Variants in ABL2 observed in about 807,000 individuals in gnomAD.
The protein encoded by ABL2 is tyrosine-protein kinase ABL2.
Under a neutral mutation model 107.7 loss-of-function variants are expected in ABL2, and 49 were observed. The ratio of observed to expected loss-of-function variants is 0.45; its 90% CI spans 0.36 to 0.58. The LOEUF (loss-of-function observed/expected upper bound fraction) is 0.58. Ranked by LOEUF, ABL2 falls within the 20% of genes least tolerant of loss-of-function variation. The probability of loss-of-function intolerance (pLI) is 0.00; values close to 1 mark genes in which losing one functional copy is unlikely to be tolerated. For synonymous variants in ABL2, 549 were observed against 548.6 expected (o/e 1.00, Z -0.01); for missense variants, 1,245 against 1,457.0 (o/e 0.85, Z 2.37).
intron 1 of ABL2, among the ~76,000 whole-genome samples, chr1:179,172,920 T>C (rs1307459764): frequency 6.6e-6 from 1 of 152,200 alleles, no homozygotes; most frequent in Non-Finnish European, 1.5e-5. Context: ...CCAGGCACAG[T>C]GGCTCACGCT....
chr1:179,140,315 T>C (rs757215792), intron 1 of ABL2, among the ~76,000 whole-genome samples: 2 of 152,234 alleles, frequency 1.3e-5, no homozygotes, highest in African/African-American at 2.4e-5. Context: ...CTCTTCCCCA[T>C]GACATTTCAC....
chr1:179,158,644 G>C (rs1398001872), intron 1 of ABL2, among the ~76,000 whole-genome samples: 1 of 152,138 alleles, frequency 6.6e-6, no homozygotes, highest in Admixed American at 6.5e-5. Context: ...GGTGAAGAAT[G>C]AATTTAAGAA....
At chr1:179,224,421 C>G (rs545536380) in intron 1 of ABL2, among the ~76,000 whole-genome samples, 1 of 151,732 alleles carries the variant, frequency 6.6e-6, no homozygotes, top group Non-Finnish European at 1.5e-5. Context: ...TGCCCGCCAC[C>G]ACACCTGGCT....
chr1:179,132,525 G>GATT (rs28914514), intron 2 of ABL2, among the ~76,000 whole-genome samples: 2 of 151,412 alleles, frequency 1.3e-5, no homozygotes, highest in South Asian at 2.1e-4. Context: ...TGATTATTAT[G>GATT]ATTATTATTA....
At chr1:179,151,942 T>G (rs141946215) in intron 1 of ABL2, among the ~76,000 whole-genome samples, 1 of 152,252 alleles carries the variant, frequency 6.6e-6, no homozygotes, top group Admixed American at 6.5e-5. Context: ...CCTGGTAGAG[T>G]AGGAGCCTTT....
At chr1:179,180,112 CCT>C (rs1660285842) in intron 1 of ABL2, among the ~76,000 whole-genome samples, 1 of 150,732 alleles carries the variant, frequency 6.6e-6, no homozygotes, top group Admixed American at 6.6e-5. Context: ...AGAGTGAGAC[CCT>C]GTCTTAAAAA....
chr1:179,107,418 G>A lies in ABL2; in HGVS notation c.*300C>T, dbSNP rs891141923. The A allele has an allele frequency of 1.3e-5, 5 of 372,432 alleles. No homozygotes were observed. The highest frequency in any genetic ancestry group is 2.0e-5 in the African/African-American group (1 of 49,350). 23.1% of individuals were successfully genotyped at this position (372,432 alleles called of 1,614,324 possible). A position where few individuals can be genotyped will look rare whatever the true frequency, so the allele number is the denominator to read the frequency against. ...TGCCTAGCACTTCCCAGCATTCCAG[G>A]TAGGGATGGGCTGCATTGCCTTCCT... On this transcript the variant is annotated 3_prime_UTR_variant, in exon 12 of 12. Transcript: ENST00000502732.
chr1:179,215,816 A>G (rs1662532605), intron 1 of ABL2, among the ~76,000 whole-genome samples: 1 of 152,132 alleles, frequency 6.6e-6, no homozygotes, highest in African/African-American at 2.4e-5. Flanking sequence ...TACAAATTGT[A>G]CTTGTTAGTA....
chr1:179,170,605 A>G (rs1278869429), intron 1 of ABL2, among the ~76,000 whole-genome samples: 1 of 150,956 alleles, frequency 6.6e-6, no homozygotes, highest in Non-Finnish European at 1.5e-5. Context: ...GTATTTATTT[A>G]TTTATTTTGA....
intron 1 of ABL2, among the ~76,000 whole-genome samples, chr1:179,209,878 T>C (rs1662169228): frequency 6.6e-6 from 1 of 152,072 alleles, no homozygotes; most frequent in Admixed American, 6.5e-5. Flanking sequence ...AAGAAACATG[T>C]TTATTTTTGT....
chr1:179,229,170 G>GCCCCCCCCCCCCCCCCCC, intron 1 of ABL2, 71 bp downstream of exon 1: 3 of 266,256 alleles, frequency 1.1e-5, no homozygotes, highest in Non-Finnish European at 1.4e-5. Flanking sequence ...CAGCCCGTCC[G>GCCCCCCCCCCCCCCCCCC]CCACCCACCC....
chr1:179,130,108 G>A (rs1656145248), intron 3 of ABL2, among the ~76,000 whole-genome samples: 1 of 152,080 alleles, frequency 6.6e-6, no homozygotes, highest in South Asian at 2.1e-4. Context: ...CACGGCTAAT[G>A]TCTTTTGTAT....
chr1:179,176,312 T>C (rs1354362344), intron 1 of ABL2, among the ~76,000 whole-genome samples: 2 of 152,180 alleles, frequency 1.3e-5, no homozygotes, highest in African/African-American at 2.4e-5. Flanking sequence ...AATTTAACCA[T>C]ACATTTTGAA....
intron 1 of ABL2, among the ~76,000 whole-genome samples, chr1:179,162,029 C>A (rs1348236893): frequency 6.6e-6 from 1 of 152,156 alleles, no homozygotes; most frequent in Non-Finnish European, 1.5e-5. Context: ...GACCTCCCAG[C>A]CTCCAGAACT....
intron 7 of ABL2, 119 bp from the exon 8 acceptor site, chr1:179,117,635 G>T: frequency 1.1e-6 from 1 of 924,574 alleles, no homozygotes; most frequent in Non-Finnish European, 1.6e-6. Context: ...AAATATGGTA[G>T]TATCTTCTGA....
At chr1:179,178,919 C>G (rs560821598) in intron 1 of ABL2, among the ~76,000 whole-genome samples, 9 of 152,134 alleles carry the variant, frequency 5.9e-5, no homozygotes, top group Admixed American at 3.3e-4. Context: ...AAAGGAAGAA[C>G]ATCTAAAATA....
intron 1 of ABL2, among the ~76,000 whole-genome samples, chr1:179,212,233 C>T (rs1662315187): frequency 6.6e-6 from 1 of 152,196 alleles, no homozygotes; most frequent in South Asian, 2.1e-4. Flanking sequence ...CTACCCTTGA[C>T]ACGTGGGGAT....
chr1:179,216,946 T>C lies in ABL2; in HGVS notation c.157+12295A>G, dbSNP rs576433627. Among the ~76,000 whole-genome samples the C allele has an allele frequency of 2.6e-5, 4 of 151,732 alleles. No homozygotes were observed. The South Asian group carries it at 8.4e-4, about 32-fold the overall frequency. ...ATCTGCCTGCCCTGGCCACCCATAG[T>C]GCTGGGATTGCAGGCATGAGCCACC... On this transcript the variant is annotated intron_variant, in intron 1 of 11. Transcript: ENST00000502732.
At chr1:179,119,275 C>A (rs1654950136) in intron 6 of ABL2, among the ~76,000 whole-genome samples, 1 of 152,152 alleles carries the variant, frequency 6.6e-6, no homozygotes, top group African/African-American at 2.4e-5. Context: ...GGTGCAGTGG[C>A]TCATGCCTGT....
Sources: allele counts gnomAD v4.1 joint callset (sites outside exome capture counted in the v4.1 genomes callset), GRCh38; gene constraint gnomAD v4.1.1; transcripts MANE v1.5; gene names NCBI Gene and HGNC (gene_info 2026-07-23, HGNC 2026-07-21).